Variants in SNED1 observed in about 807,000 individuals in gnomAD.
The protein encoded by SNED1 is sushi, nidogen and EGF like domains 1.
Under a neutral mutation model 166.7 loss-of-function variants are expected in SNED1, and 81 were observed. The observed-to-expected ratio is 0.49, with a 90% confidence interval of 0.41 to 0.58. The LOEUF (loss-of-function observed/expected upper bound fraction) is 0.58, where lower values mean the gene tolerates loss of function less well. Ranked by LOEUF, SNED1 falls within the 20% of genes least tolerant of loss-of-function variation. SNED1 has a pLI of 0.00. For missense variants in SNED1, 1,604 were observed against 2,000.2 expected (o/e 0.80, Z 3.78); for synonymous variants, 762 against 822.0 (o/e 0.93, Z 1.25).
At chr2:241,074,873 C>CAGGA (rs2062946427) in intron 27 of SNED1, 1 of 152,236 alleles carries the variant, frequency 6.6e-6, no homozygotes, top group South Asian at 2.1e-4. Flanking sequence ...GTTCTCTCCC[C>CAGGA]TCAGTTAACC....
At chr2:241,030,134 C>CG (rs2061120732) in intron 1 of SNED1, 150 bp from the exon 2 acceptor site, 2 of 688,736 alleles carry the variant, frequency 2.9e-6, no homozygotes, top group Admixed American at 2.9e-5. Flanking sequence ...ATCTCAGGGA[C>CG]GGGGGGCTGT....
chr2:241,052,189 C>A, intron 14 of SNED1, 32 bp downstream of exon 14: 1 of 1,581,614 alleles, frequency 6.3e-7, no homozygotes, highest in Non-Finnish European at 8.7e-7. Context: ...GCCAGGGCGG[C>A]CAGGGGTGAA....
chr2:241,070,644 G>A (rs1314222499), intron 24 of SNED1, among the ~76,000 whole-genome samples: 2 of 152,226 alleles, frequency 1.3e-5, no homozygotes, highest in Non-Finnish European at 2.9e-5. Context: ...ATGCTGGGGA[G>A]CAGAGGCACA....
chr2:241,017,913 T>C (rs1025979179), intron 1 of SNED1, among the ~76,000 whole-genome samples: 1 of 152,128 alleles, frequency 6.6e-6, no homozygotes, highest in African/African-American at 2.4e-5. Flanking sequence ...CGTCAATAAT[T>C]ACAGAGGCAA....
chr2:241,011,130 A>T (rs2060382128), intron 1 of SNED1, among the ~76,000 whole-genome samples: 2 of 96,576 alleles, frequency 2.1e-5, no homozygotes, highest in Non-Finnish European at 1.8e-5. Flanking sequence ...TGGGGGTGGC[A>T]GGTCTCCTGG....
At chr2:241,033,491 T>A in intron 2 of SNED1, 1 of 481,662 alleles carries the variant, frequency 2.1e-6, no homozygotes, top group Non-Finnish European at 3.7e-6. Context: ...ACCCCAGGTG[T>A]TTCACTCACC....
At chr2:241,057,829 GAAGT>G (rs1479763170) in intron 16 of SNED1, among the ~76,000 whole-genome samples, 1 of 152,134 alleles carries the variant, frequency 6.6e-6, no homozygotes, top group Non-Finnish European at 1.5e-5. Flanking sequence ...TTTTCTGAAA[GAAGT>G]AAGATAATAA....
Position 241,069,307 on chromosome 2 carries a change from T to C in SNED1, c.3307+284T>C, listed in dbSNP as rs2062599382. 6.6e-6 allele frequency among the ~76,000 whole-genome samples: 1 copy of C among 152,126 alleles called. No individual in the cohort carries two copies. The highest frequency in any genetic ancestry group is 2.1e-4 in the South Asian group (1 of 4,830). On this transcript the variant is annotated intron_variant, in intron 23 of 31. Coordinates refer to ENST00000310397, the MANE Select transcript of SNED1 (RefSeq NM_001080437.3). The surrounding 1 kb of genome is among the most constrained non-coding windows in gnomAD (Gnocchi z 4.9). ...ACACCGACCAGAGGGCCAGAGGACC[T>C]CACTGGGCCAGGGATACCCATGCTA...
rs1017308023 is a variant in SNED1, at chr2:241,051,618, G to T, written c.1736-126G>T. 2 of 743,680 alleles carry T rather than the reference G, an allele frequency of 2.7e-6. No homozygotes were observed. The highest frequency in any genetic ancestry group is 2.9e-5 in the East Asian group (1 of 35,020). 46.1% of individuals were successfully genotyped at this position (743,680 alleles called of 1,614,324 possible). A position where few individuals can be genotyped will look rare whatever the true frequency, so the allele number is the denominator to read the frequency against. ...CCTGCTTGGCCCCTGCTGCAGCCAG[G>T]CCCCAGGGCTTCGTCGAGAAGGCCC... On this transcript the variant is annotated intron_variant, in intron 12 of 31. Transcript: ENST00000310397. This position sits in a 1 kb window ranked among gnomAD's most constrained non-coding sequence, Gnocchi z 4.7.
At chr2:241,088,792 G>A (rs11902404) in intron 31 of SNED1, 5,966 of 252,058 alleles carry the variant, frequency 0.024, 345 homozygotes, top group African/African-American at 0.12. Context: ...CACGGGCAGC[G>A]GGAGGGCCTG....
upstream of SNED1, among the ~76,000 whole-genome samples, chr2:240,998,450 C>T (rs1264177491): frequency 1.3e-5 from 2 of 152,176 alleles, no homozygotes; most frequent in Middle Eastern, 3.2e-3. Context: ...GGGCGCGCGC[C>T]CGCAGAGCCC....
At chr2:241,004,861 A>C (rs1034753371) in intron 1 of SNED1, among the ~76,000 whole-genome samples, 1 of 151,926 alleles carries the variant, frequency 6.6e-6, no homozygotes, top group Non-Finnish European at 1.5e-5. Flanking sequence ...AGCTGGGATT[A>C]TAGGCGCCCA....
chr2:241,055,531 G>A (rs185404514), intron 16 of SNED1, among the ~76,000 whole-genome samples: 1 of 152,304 alleles, frequency 6.6e-6, no homozygotes, highest in African/African-American at 2.4e-5. Context: ...CACTGTCACT[G>A]TAATGTTAAA....
chr2:241,072,076 C>A (rs1190480048), intron 26 of SNED1, 198 bp downstream of exon 26: 34 of 703,468 alleles, frequency 4.8e-5, no homozygotes, highest in Middle Eastern at 2.3e-4. Context: ...GCAGGAGGGG[C>A]AGCTCGTGAG....
At chr2:241,016,710 G>T (rs1324938888) in intron 1 of SNED1, among the ~76,000 whole-genome samples, 2 of 152,150 alleles carry the variant, frequency 1.3e-5, no homozygotes, top group East Asian at 3.9e-4. Context: ...TGAATGTTTG[G>T]TGTAACTCAC....
chr2:241,070,665 C>T (rs1466844729), intron 24 of SNED1, among the ~76,000 whole-genome samples: 4 of 152,220 alleles, frequency 2.6e-5, no homozygotes, highest in African/African-American at 4.8e-5. Context: ...GGGCAGAAGC[C>T]GCTCGGAGTG....
At chr2:241,009,963 C>G (rs944966786) in intron 1 of SNED1, 2 of 152,282 alleles carry the variant, frequency 1.3e-5, no homozygotes, top group African/African-American at 4.8e-5. Context: ...GCCCATCCCC[C>G]GGCCCAGGAC....
chr2:241,067,712 C>T, intron 21 of SNED1, 52 bp from the exon 22 acceptor site: 2 of 1,509,312 alleles, frequency 1.3e-6, no homozygotes, highest in South Asian at 1.2e-5. Context: ...CCCCTGCACT[C>T]CCCCAGGAGC....
intron 26 of SNED1, chr2:241,072,505 G>T: frequency 2.9e-6 from 1 of 340,182 alleles, no homozygotes; most frequent in Admixed American, 4.2e-5. Flanking sequence ...AAGGCCAGGT[G>T]GTCATCCTCA....
Sources: allele counts gnomAD v4.1 joint callset (sites outside exome capture counted in the v4.1 genomes callset), GRCh38; gene constraint gnomAD v4.1.1; non-coding constraint Gnocchi (gnomAD v3.1); transcripts MANE v1.5; gene names NCBI Gene and HGNC (gene_info 2026-07-23, HGNC 2026-07-21).